The following BICD1 variants were observed in gnomAD, a reference collection of about 807,000 sequenced individuals.
The protein encoded by BICD1 is BICD cargo adaptor 1, also known as protein bicaudal D homolog 1.
A neutral mutation model predicts 92.5 loss-of-function variants in BICD1; 35 were observed. The ratio of observed to expected loss-of-function variants is 0.38; its 90% CI spans 0.29 to 0.50. The LOEUF is 0.50. Among genes scored for constraint, BICD1 ranks in the 20% least tolerant of loss-of-function variants. The pLI, the probability that BICD1 is intolerant of heterozygous loss-of-function variation, is 0.93. For missense variants in BICD1, 950 were observed against 1,189.8 expected (o/e 0.80, Z 2.97); for synonymous variants, 429 against 465.1 (o/e 0.92, Z 1.00).
chr12:32,134,791 C>T (rs1371952653), intron 1 of BICD1, among the ~76,000 whole-genome samples: 1 of 152,194 alleles, frequency 6.6e-6, no homozygotes, highest in African/African-American at 2.4e-5. Context: ...GTGTCGGGAG[C>T]AATGCCGACA....
At position 32,154,428 on chromosome 12, in the gene BICD1, A is replaced by C. The variant is rs76637794; in HGVS notation, c.213+46884A>C. On this transcript the variant is annotated intron_variant, in intron 1 of 9. Coordinates refer to ENST00000652176, the MANE Select transcript of BICD1 (RefSeq NM_001714.4). ...TAGATCAGTTCTTTAAACACCACTT[A>C]AACTCCCACTTTTGTCAGCAACCTC... Among the ~76,000 whole-genome samples, 650 of 152,212 alleles carry C rather than the reference A, an allele frequency of 4.3e-3. 3 individuals carry two copies. The highest frequency in any genetic ancestry group is 0.015 in the African/African-American group (616 of 41,520).
At chr12:32,271,838 C>T (rs1211386366) in intron 2 of BICD1, among the ~76,000 whole-genome samples, 1 of 152,084 alleles carries the variant, frequency 6.6e-6, no homozygotes, top group East Asian at 1.9e-4. Flanking sequence ...TTTATTGTTT[C>T]CTTTCCATCT....
chr12:32,287,344 G>A (rs546579252), intron 2 of BICD1, among the ~76,000 whole-genome samples: 1 of 151,836 alleles, frequency 6.6e-6, no homozygotes, highest in Non-Finnish European at 1.5e-5. Flanking sequence ...TGTTATCATT[G>A]CTTTGAAATT....
chr12:32,255,268 C>A (rs537449693), intron 2 of BICD1, among the ~76,000 whole-genome samples: 3 of 152,256 alleles, frequency 2.0e-5, no homozygotes, highest in African/African-American at 4.8e-5. Context: ...GCCTCATAGC[C>A]TCATCCAATC....
At chr12:32,276,062 G>A (rs1030517375) in intron 2 of BICD1, among the ~76,000 whole-genome samples, 10 of 152,030 alleles carry the variant, frequency 6.6e-5, no homozygotes, top group Non-Finnish European at 1.2e-4. Flanking sequence ...ACATTTTGGC[G>A]ACCATGAAGG....
intron 2 of BICD1, among the ~76,000 whole-genome samples, chr12:32,276,475 A>G (rs555187326): frequency 6.6e-6 from 1 of 152,304 alleles, no homozygotes; most frequent in Admixed American, 6.5e-5. Flanking sequence ...CAGAGAGTTC[A>G]CTAAAATGCT....
intron 2 of BICD1, among the ~76,000 whole-genome samples, chr12:32,239,569 C>T (rs907689480): frequency 1.3e-5 from 2 of 150,278 alleles, no homozygotes; most frequent in Non-Finnish European, 3.0e-5. Flanking sequence ...GATCTCGGCT[C>T]ACGATCGTTA....
At position 32,305,848 on chromosome 12, in the gene BICD1, A is replaced by G. The variant is rs1433850630; in HGVS notation, c.731A>G (p.Gln244Arg). Residue 244 changes from glutamine to arginine, a missense_variant, in exon 4 of 10, where the codon CAA (glutamine) becomes CGA (arginine). By Grantham distance (43) the Gln-to-Arg change is conservative. Transcript: ENST00000652176. Reference protein sequence around the residue: ...ALETLKNEREQKNNLRKELSQ... With the variant: ...ALETLKNERERKNNLRKELSQ... ...GAGACTTTAAAAAATGAAAGAGAGC[A>G]AAAGAACAACCTGCGGAAGGAGCTC... The G allele has an allele frequency of 6.2e-7, 1 of 1,614,218 alleles. No homozygotes were observed.
rs1942967232 is a variant in BICD1 at position 32,142,459 on chromosome 12, T to TATCTATCCTATCTATCTATCTATCC, written c.213+34922_213+34923insCTATCTATCTATCTATCCATCTATC. On this transcript the variant is annotated intron_variant, in intron 1 of 9. Transcript: ENST00000652176. ...AAAAACCCCACCTATCTATCCTATC[T>TATCTATCCTATCTATCTATCTATCC]ATCTATCTATCTATCTATCTATCTA... Among the ~76,000 whole-genome samples, 4 of 58,452 alleles carry TATCTATCCTATCTATCTATCTATCC rather than the reference T, an allele frequency of 6.8e-5. No homozygotes were observed. In the Admixed American group the frequency reaches 9.0e-4, roughly 13 times the overall value. 38.3% of individuals were successfully genotyped at this position (58,452 alleles called of 152,430 possible).
chr12:32,288,698 T>C (rs902797163), intron 2 of BICD1, among the ~76,000 whole-genome samples: 3 of 152,008 alleles, frequency 2.0e-5, no homozygotes, highest in Non-Finnish European at 2.9e-5. Context: ...AAATCCTGTC[T>C]CTAGTAAAAA....
At chr12:32,200,056 G>A (rs1859008687) in intron 1 of BICD1, among the ~76,000 whole-genome samples, 1 of 152,174 alleles carries the variant, frequency 6.6e-6, no homozygotes, top group African/African-American at 2.4e-5. Context: ...GCCTGCGTTA[G>A]TGAGAGCTGG....
rs191467478 is a variant in BICD1, at chr12:32,191,584, G to A, written c.214-24663G>A. ...TATTGTATTATATATATAATATTAT[G>A]TATATATAATATGTAATATATATAA... On this transcript the variant is annotated intron_variant, in intron 1 of 9. Transcript: ENST00000652176. 4.5e-3 allele frequency among the ~76,000 whole-genome samples: 627 copies of A among 140,686 alleles called. 2 individuals carry two copies. Among genetic ancestry groups the A allele is most frequent in the African/African-American group, 0.015 (598 of 38,738 alleles). The allele number at this position is 140,686 out of a possible 152,430, so 92.3% of individuals were successfully genotyped here.
At chr12:32,166,838 G>A (rs1943784529) in intron 1 of BICD1, among the ~76,000 whole-genome samples, 2 of 152,250 alleles carry the variant, frequency 1.3e-5, no homozygotes, top group Admixed American at 6.5e-5. Flanking sequence ...AAAAAAGAGG[G>A]CATAATAGTG....
chr12:32,253,550 AG>A (rs546573548), intron 2 of BICD1, among the ~76,000 whole-genome samples: 47 of 152,324 alleles, frequency 3.1e-4, no homozygotes, highest in South Asian at 1.0e-3. Context: ...AAGAAGAAAA[AG>A]AAAGCAGAGG....
intron 1 of BICD1, among the ~76,000 whole-genome samples, chr12:32,133,284 T>C (rs955435162): frequency 2.0e-5 from 3 of 152,006 alleles, no homozygotes; most frequent in African/African-American, 7.2e-5. Context: ...GGTCAGGAGT[T>C]TGAGACCAGC....
chr12:32,189,952 G>T (rs1015920874), intron 1 of BICD1, among the ~76,000 whole-genome samples: 1 of 152,088 alleles, frequency 6.6e-6, no homozygotes, highest in South Asian at 2.1e-4. Flanking sequence ...GCTCACCTCC[G>T]CCTCCCAAAG....
At chr12:32,193,710 A>G (rs1254551995) in intron 1 of BICD1, among the ~76,000 whole-genome samples, 2 of 152,204 alleles carry the variant, frequency 1.3e-5, no homozygotes, top group Middle Eastern at 3.2e-3. Flanking sequence ...TAAATGAGTC[A>G]TCAAAAACCT....
intron 1 of BICD1, among the ~76,000 whole-genome samples, chr12:32,115,619 C>T (rs1356900996): frequency 1.4e-4 from 22 of 151,822 alleles, no homozygotes; most frequent in Admixed American, 1.4e-3. Context: ...GAAAATGGTA[C>T]CCTGAGGGTA....
At chr12:32,133,763 T>C (rs1194605790) in intron 1 of BICD1, among the ~76,000 whole-genome samples, 2 of 151,580 alleles carry the variant, frequency 1.3e-5, no homozygotes, top group Non-Finnish European at 2.9e-5. Context: ...CTTTATCCAG[T>C]TTCTGAAATG....
Sources: gnomAD v4.1 joint callset for allele counts (sites outside exome capture counted in the v4.1 genomes callset) on GRCh38, gnomAD v4.1.1 for gene constraint, MANE v1.5 for transcripts, NCBI Gene and HGNC (gene_info 2026-07-23, HGNC 2026-07-21) for gene names.